Variants in NRXN1 observed in about 807,000 individuals in gnomAD.
NRXN1 encodes the protein neurexin 1.
In NRXN1, 39 loss-of-function variants were observed where a neutral mutation model predicts 150.9. The ratio of observed to expected loss-of-function variants is 0.26; its 90% CI spans 0.20 to 0.34. The LOEUF (loss-of-function observed/expected upper bound fraction) is 0.34, where lower values mean the gene tolerates loss of function less well. Among genes scored for constraint, NRXN1 ranks in the 10% least tolerant of loss-of-function variants. The pLI is 1.00. For missense variants in NRXN1, 1,815 were observed against 1,949.9 expected (o/e 0.93, Z 1.30); for synonymous variants, 924 against 757.0 (o/e 1.22, Z -3.62).
intron 18 of NRXN1, among the ~76,000 whole-genome samples, chr2:50,226,793 C>A (rs2064424230): frequency 6.6e-6 from 1 of 151,788 alleles, no homozygotes; most frequent in Non-Finnish European, 1.5e-5. Flanking sequence ...GTATCTCTAA[C>A]CCCCCCAAAA....
At chr2:50,283,622 T>C (rs371657537) in intron 17 of NRXN1, among the ~76,000 whole-genome samples, 3 of 152,142 alleles carry the variant, frequency 2.0e-5, no homozygotes, top group East Asian at 3.9e-4. Context: ...AATAGAACGA[T>C]ATCAGGTCTC....
At chr2:50,340,700 T>C (rs2077486077) in intron 17 of NRXN1, among the ~76,000 whole-genome samples, 1 of 152,076 alleles carries the variant, frequency 6.6e-6, no homozygotes, top group Non-Finnish European at 1.5e-5. Context: ...CTTAGAGGTC[T>C]GCTAGTCCAA....
intron 18 of NRXN1, among the ~76,000 whole-genome samples, chr2:50,131,048 A>G (rs1467503555): frequency 6.6e-6 from 1 of 152,228 alleles, no homozygotes; most frequent in Non-Finnish European, 1.5e-5. Context: ...AACCATGTTT[A>G]GGCATCAGTT....
intron 5 of NRXN1, among the ~76,000 whole-genome samples, chr2:50,795,990 T>C (rs1457160667): frequency 6.6e-6 from 1 of 152,110 alleles, no homozygotes; most frequent in Non-Finnish European, 1.5e-5. Context: ...AGAAATCTAA[T>C]TAGTGCTTCA....
At chr2:50,260,832 G>GA (rs921367937) in intron 17 of NRXN1, among the ~76,000 whole-genome samples, 3 of 151,554 alleles carry the variant, frequency 2.0e-5, no homozygotes, top group African/African-American at 7.3e-5. Flanking sequence ...ACTGTGACTT[G>GA]AAAAACGAGA....
chr2:50,955,466 T>A (rs1692131373), intron 2 of NRXN1, among the ~76,000 whole-genome samples: 1 of 152,238 alleles, frequency 6.6e-6, no homozygotes, highest in Non-Finnish European at 1.5e-5. Flanking sequence ...GCAGGCTTTT[T>A]AAAAAGTGAC....
chr2:50,935,880 C>G (rs780310958), intron 2 of NRXN1, among the ~76,000 whole-genome samples: 5 of 151,986 alleles, frequency 3.3e-5, no homozygotes, highest in Non-Finnish European at 5.9e-5. Flanking sequence ...TTTGCCAAGT[C>G]TATTTTAGTA....
chr2:50,289,770 C>G (rs2072677334), intron 17 of NRXN1, among the ~76,000 whole-genome samples: 1 of 151,990 alleles, frequency 6.6e-6, no homozygotes, highest in South Asian at 2.1e-4. Context: ...CACACAGTAC[C>G]TTACTGCTAT....
intron 5 of NRXN1, among the ~76,000 whole-genome samples, chr2:50,687,129 T>C (rs1691351719): frequency 6.6e-6 from 1 of 152,160 alleles, no homozygotes; most frequent in Admixed American, 6.6e-5. Flanking sequence ...CCAGTGAATA[T>C]TGACACTATT....
chr2:50,168,856 A>T (rs1418738642), intron 18 of NRXN1, among the ~76,000 whole-genome samples: 1 of 152,092 alleles, frequency 6.6e-6, no homozygotes, highest in East Asian at 1.9e-4. Flanking sequence ...TCCATTTACA[A>T]CTTCTTTATT....
At chr2:50,233,886 A>G (rs1475149725) in intron 18 of NRXN1, among the ~76,000 whole-genome samples, 1 of 152,096 alleles carries the variant, frequency 6.6e-6, no homozygotes, top group Non-Finnish European at 1.5e-5. Context: ...AGATACCTAA[A>G]TAATTTGATA....
intron 17 of NRXN1, among the ~76,000 whole-genome samples, chr2:50,392,163 G>T (rs1394012296): frequency 1.3e-5 from 2 of 152,098 alleles, no homozygotes; most frequent in East Asian, 1.9e-4. Context: ...AACTAGCGAT[G>T]AATTCATCAA....
chr2:50,644,444 C>T (rs1021994901), intron 5 of NRXN1, among the ~76,000 whole-genome samples: 15 of 151,650 alleles, frequency 9.9e-5, no homozygotes, highest in Non-Finnish European at 2.2e-4. Flanking sequence ...AGAAGACTAT[C>T]AAAAGCAAAA....
At chr2:50,511,092 G>C (rs1433724551) in intron 12 of NRXN1, among the ~76,000 whole-genome samples, 1 of 151,108 alleles carries the variant, frequency 6.6e-6, no homozygotes, top group African/African-American at 2.4e-5. Context: ...ACAGAATCTC[G>C]CTCTGTTGCT....
At chr2:50,474,782 C>G (rs1412018884) in intron 15 of NRXN1, among the ~76,000 whole-genome samples, 1 of 148,118 alleles carries the variant, frequency 6.8e-6, no homozygotes, top group Non-Finnish European at 1.5e-5. Context: ...AGTTGTGACT[C>G]TAGAATATTT....
chr2:50,750,094 AG>A (rs1243655969), intron 5 of NRXN1, among the ~76,000 whole-genome samples: 1 of 152,068 alleles, frequency 6.6e-6, no homozygotes, highest in Non-Finnish European at 1.5e-5. Context: ...AGATCTTATC[AG>A]GTCCTGTAGT....
At chr2:50,391,213 G>GA (rs11409159) in intron 17 of NRXN1, among the ~76,000 whole-genome samples, 41,220 of 150,352 alleles carry the variant, frequency 0.27, 6,539 homozygotes, top group African/African-American at 0.43. Context: ...TTTGCAGAAA[G>GA]AAAAAAAAGC....
At chr2:50,660,401 C>T (rs1307537555) in intron 5 of NRXN1, among the ~76,000 whole-genome samples, 4 of 152,012 alleles carry the variant, frequency 2.6e-5, no homozygotes, top group Non-Finnish European at 5.9e-5. Flanking sequence ...ACATTAATTA[C>T]TCTTCCTCTA....
intron 5 of NRXN1, among the ~76,000 whole-genome samples, chr2:50,759,647 G>GT (rs1701564177): frequency 6.6e-6 from 1 of 151,890 alleles, no homozygotes; most frequent in Admixed American, 6.6e-5. Context: ...AGGAATATCA[G>GT]TAAGTTTCAG....
Sources: allele counts gnomAD v4.1 joint callset (sites outside exome capture counted in the v4.1 genomes callset), GRCh38; gene constraint gnomAD v4.1.1; transcripts MANE v1.5; gene names NCBI Gene and HGNC (gene_info 2026-07-23, HGNC 2026-07-21).